Variants in RFC3 observed in about 807,000 individuals in gnomAD.
RFC3 encodes A1 38 kDa subunit.
RFC3 carries 41 observed loss-of-function variants against 45.1 expected under a neutral mutation model. The observed-to-expected ratio is 0.91, with a 90% confidence interval of 0.71 to 1.18. The LOEUF (loss-of-function observed/expected upper bound fraction) is 1.18. Ranked by LOEUF, RFC3 falls within the 50% of genes most tolerant of loss-of-function variation. The pLI is 0.00. For missense variants in RFC3, 423 were observed against 428.1 expected (o/e 0.99, Z 0.10); for synonymous variants, 149 against 144.0 (o/e 1.03, Z -0.25).
intron 8 of RFC3, among the ~76,000 whole-genome samples, chr13:33,946,539 T>A (rs1255210329): frequency 3.3e-5 from 5 of 152,224 alleles, no homozygotes; most frequent in African/African-American, 1.2e-4. Context: ...CCTTTACATG[T>A]TAACGTAAAT....
At chr13:33,914,733 A>G (rs925729651) in intron 8 of RFC3, among the ~76,000 whole-genome samples, 1 of 152,186 alleles carries the variant, frequency 6.6e-6, no homozygotes, top group Non-Finnish European at 1.5e-5. Context: ...TATGAATTCT[A>G]CATAACATTA....
intron 8 of RFC3, among the ~76,000 whole-genome samples, chr13:33,867,253 A>G (rs1165856680): frequency 6.6e-6 from 1 of 152,216 alleles, no homozygotes; most frequent in African/African-American, 2.4e-5. Context: ...GTCAACTGAA[A>G]CACAGTACTC....
chr13:33,953,662 GAATCAAAGAAGAAACTGA>G (rs752904465), intron 8 of RFC3, among the ~76,000 whole-genome samples: 3 of 152,038 alleles, frequency 2.0e-5, no homozygotes, highest in Non-Finnish European at 4.4e-5. Context: ...AGAATTCCGA[GAATCAAAGAAGAAACTGA>G]AATCTAATTA....
chr13:33,967,486 C>CTTTT (rs11393413), downstream of RFC3, among the ~76,000 whole-genome samples: 31 of 119,444 alleles, frequency 2.6e-4, no homozygotes, highest in African/African-American at 3.2e-4. Context: ...ACCAGCAATT[C>CTTTT]TTTTTTTTTT....
intron 8 of RFC3, among the ~76,000 whole-genome samples, chr13:33,900,367 TA>T (rs984779557): frequency 7.2e-5 from 11 of 151,752 alleles, no homozygotes; most frequent in Admixed American, 6.6e-4. Flanking sequence ...AGCCCAGACA[TA>T]AATACATGCA....
chr13:33,887,242 G>C (rs1490702685), intron 8 of RFC3, among the ~76,000 whole-genome samples: 2 of 149,182 alleles, frequency 1.3e-5, no homozygotes, highest in East Asian at 3.9e-4. Flanking sequence ...CTAGTTTACA[G>C]TCCCACCAAC....
At position 33,936,079 on chromosome 13, in the gene RFC3, G is replaced by A. The variant is rs1593704068; in HGVS notation, c.880-30008G>A. On this transcript the variant is annotated intron_variant, in intron 8 of 8. Transcript: ENST00000434425. ...GTGTGTGCACTTGTATGGGATGACG[G>A]GTTGGGGTGACTGCAGGTGAAGGAG... Among the ~76,000 whole-genome samples, 5 of 152,284 alleles carry A rather than the reference G, an allele frequency of 3.3e-5. No homozygotes were observed. In the South Asian group the frequency reaches 1.0e-3, roughly 32 times the overall value.
At chr13:33,961,850 C>T (rs568634001) in intron 8 of RFC3, among the ~76,000 whole-genome samples, 13 of 152,218 alleles carry the variant, frequency 8.5e-5, no homozygotes, top group African/African-American at 2.9e-4. Context: ...AAGAATAAGC[C>T]TTAGGATAAT....
intron 8 of RFC3, among the ~76,000 whole-genome samples, chr13:33,929,112 T>C (rs774163108): frequency 6.6e-6 from 1 of 152,152 alleles, no homozygotes; most frequent in Non-Finnish European, 1.5e-5. Flanking sequence ...TAAAATATGT[T>C]ACTACCTTTT....
intron 8 of RFC3, among the ~76,000 whole-genome samples, chr13:33,893,538 T>C (rs2082576922): frequency 6.6e-6 from 1 of 152,026 alleles, no homozygotes; most frequent in Admixed American, 6.5e-5. Context: ...AAGGAACCAG[T>C]GCCTGACCTC....
intron 8 of RFC3, among the ~76,000 whole-genome samples, chr13:33,918,619 A>G (rs2082748021): frequency 6.6e-6 from 1 of 152,120 alleles, no homozygotes; most frequent in South Asian, 2.1e-4. Flanking sequence ...TCAACTTGTG[A>G]CTTGCAAGAA....
At chr13:33,925,903 A>G (rs2082809033) in intron 8 of RFC3, among the ~76,000 whole-genome samples, 1 of 151,968 alleles carries the variant, frequency 6.6e-6, no homozygotes, top group Non-Finnish European at 1.5e-5. Flanking sequence ...TGTAAAGACT[A>G]ATCTCTAAGC....
downstream of RFC3, among the ~76,000 whole-genome samples, chr13:33,839,919 A>C (rs1204346180): frequency 6.6e-6 from 1 of 152,164 alleles, no homozygotes; most frequent in Non-Finnish European, 1.5e-5. Context: ...GTAGTTTGAC[A>C]GTTTTTCTTC....
chr13:33,927,235 A>T (rs1405655107), intron 8 of RFC3, among the ~76,000 whole-genome samples: 2 of 109,156 alleles, frequency 1.8e-5, no homozygotes, highest in Non-Finnish European at 3.3e-5. Flanking sequence ...TAAAGCAGTT[A>T]AAAAAAAAAA....
In RFC3 at chr13:33,944,262, AT is replaced by A. The variant is rs575528986; in HGVS notation, c.880-21822del. Reference sequence around the variant, plus strand: ...TTTCTTGTGCAATTAAAAGTGCTAAATTTATTTCAATCCAAAACACATCCTT... The same window carrying A: ...TTTCTTGTGCAATTAAAAGTGCTAAATTATTTCAATCCAAAACACATCCTT... On this transcript the variant is annotated intron_variant, in intron 8 of 8. Transcript: ENST00000434425. 5.9e-5 allele frequency among the ~76,000 whole-genome samples: 9 copies of A among 152,328 alleles called. No homozygotes were observed. The East Asian group carries it at 1.7e-3, about 29-fold the overall frequency.
chr13:33,828,823 C>T (rs1224149228), intron 4 of RFC3, among the ~76,000 whole-genome samples: 1 of 152,158 alleles, frequency 6.6e-6, no homozygotes, highest in East Asian at 1.9e-4. Context: ...AGGCATGAGC[C>T]ACTGTGCCTG....
downstream of RFC3, among the ~76,000 whole-genome samples, chr13:33,971,172 T>G (rs1231401016): frequency 6.6e-6 from 1 of 152,328 alleles, no homozygotes; most frequent in Admixed American, 6.5e-5. Flanking sequence ...AAAAAAACCT[T>G]CAGACCAGCT....
At chr13:33,955,263 T>G (rs2083014887) in intron 8 of RFC3, among the ~76,000 whole-genome samples, 1 of 152,122 alleles carries the variant, frequency 6.6e-6, no homozygotes, top group African/African-American at 2.4e-5. Context: ...CTAACCAAGT[T>G]TAAGGAAGCA....
chr13:33,891,977 GA>G (rs577095358), intron 8 of RFC3, among the ~76,000 whole-genome samples: 65 of 150,946 alleles, frequency 4.3e-4, no homozygotes, highest in Admixed American at 1.3e-3. Context: ...ATTCAACCAG[GA>G]AAAAAAACAG....
Sources: allele counts gnomAD v4.1 joint callset (sites outside exome capture counted in the v4.1 genomes callset), GRCh38; gene constraint gnomAD v4.1.1; transcripts MANE v1.5; gene names NCBI Gene and HGNC (gene_info 2026-07-23, HGNC 2026-07-21).